The following SGCZ variants were observed in gnomAD, a reference collection of about 807,000 sequenced individuals.
SGCZ encodes the protein sarcoglycan zeta.
SGCZ carries 40 observed loss-of-function variants against 41.3 expected under a neutral mutation model. The ratio of observed to expected loss-of-function variants is 0.97; its 90% CI spans 0.75 to 1.26. The LOEUF (loss-of-function observed/expected upper bound fraction) is 1.26. Ranked by LOEUF, SGCZ falls within the 50% of genes most tolerant of loss-of-function variation. The probability of loss-of-function intolerance (pLI) is 0.00; values close to 1 mark genes in which losing one functional copy is unlikely to be tolerated. For missense variants in SGCZ, 552 were observed against 369.8 expected (o/e 1.49, Z -4.04); for synonymous variants, 206 against 137.5 (o/e 1.50, Z -3.49).
intron 2 of SGCZ, among the ~76,000 whole-genome samples, chr8:14,477,655 A>C (rs1801399099): frequency 6.6e-6 from 1 of 152,206 alleles, no homozygotes; most frequent in South Asian, 2.1e-4. Flanking sequence ...TTACCATGAA[A>C]ACGTTAGGTC....
rs775444301 is a variant in SGCZ at position 14,222,792 on chromosome 8, A to ATTTTTT, written c.424+14794_424+14799dup. Among the ~76,000 whole-genome samples, 5 of 48,896 alleles carry ATTTTTT rather than the reference A, an allele frequency of 1.0e-4. 1 individual carries two copies. Among genetic ancestry groups the ATTTTTT allele is most frequent in the Non-Finnish European group, 1.4e-4 (4 of 29,186 alleles). The allele number at this position is 48,896 out of a possible 152,430, so 32.1% of individuals were successfully genotyped here. A position where few individuals can be genotyped will look rare whatever the true frequency, so the allele number is the denominator to read the frequency against. ...ATTCCACCCTCTCTCAGTCACAGTG[A>ATTTTTT]TTTTTTTTTTTTTTTTTTTTTTTTT... On this transcript the variant is annotated intron_variant, in intron 4 of 7. Coordinates refer to ENST00000382080, the MANE Select transcript of SGCZ (RefSeq NM_139167.4).
At chr8:14,806,614 A>G (rs547480964) in intron 1 of SGCZ, among the ~76,000 whole-genome samples, 1 of 152,284 alleles carries the variant, frequency 6.6e-6, no homozygotes, top group East Asian at 1.9e-4. Context: ...AAAAGAGTCC[A>G]GGACCAGATG....
chr8:14,662,709 G>T (rs1272158127), intron 1 of SGCZ, among the ~76,000 whole-genome samples: 1 of 152,128 alleles, frequency 6.6e-6, no homozygotes, highest in Non-Finnish European at 1.5e-5. Context: ...TGAAATCATG[G>T]TTGCCAATTA....
chr8:14,096,377 A>G (rs935857142), intron 7 of SGCZ, among the ~76,000 whole-genome samples: 1 of 151,536 alleles, frequency 6.6e-6, no homozygotes, highest in East Asian at 1.9e-4. Flanking sequence ...CAATGACAAA[A>G]ACCACGGTTA....
chr8:15,080,881 C>T (rs970359361), intron 1 of SGCZ, among the ~76,000 whole-genome samples: 6 of 151,992 alleles, frequency 3.9e-5, no homozygotes, highest in Admixed American at 1.3e-4. Context: ...CATGAGCCAC[C>T]GCGCCTGGCT....
intron 4 of SGCZ, among the ~76,000 whole-genome samples, chr8:14,213,217 G>T (rs933410288): frequency 1.4e-4 from 21 of 152,080 alleles, no homozygotes; most frequent in African/African-American, 3.1e-4. Context: ...AGCTGAAAGA[G>T]AATAAACTCA....
chr8:14,173,850 CA>C (rs1804463585), intron 4 of SGCZ, among the ~76,000 whole-genome samples: 1 of 151,840 alleles, frequency 6.6e-6, no homozygotes, highest in African/African-American at 2.4e-5. Context: ...AAAATTCTTA[CA>C]AAAACAAAAA....
chr8:14,801,792 G>C (rs192822833), intron 1 of SGCZ, among the ~76,000 whole-genome samples: 14 of 152,016 alleles, frequency 9.2e-5, no homozygotes, highest in African/African-American at 3.4e-4. Context: ...TCTGAGGTAA[G>C]GAAAAAGAGC....
intron 1 of SGCZ, among the ~76,000 whole-genome samples, chr8:14,997,601 AG>A (rs1160846513): frequency 1.3e-5 from 2 of 152,224 alleles, no homozygotes; most frequent in African/African-American, 4.8e-5. Flanking sequence ...CAAGAACATT[AG>A]CTTTTCATGA....
In SGCZ at chr8:14,921,495, T is replaced by A. The variant is rs1487261184; in HGVS notation, c.39+316090A>T. Among the ~76,000 whole-genome samples the A allele has an allele frequency of 3.3e-5, 5 of 151,748 alleles. No homozygotes were observed. The South Asian group carries it at 8.3e-4, about 25-fold the overall frequency. The stretch of plus-strand genomic sequence containing the variant: ...AAATGCTTAGTTAATAAATATTCAA[T>A]AAATGTCATCTAATTTTATTATCTA... On this transcript the variant is annotated intron_variant, in intron 1 of 7. Coordinates refer to ENST00000382080, the MANE Select transcript of SGCZ (RefSeq NM_139167.4).
At chr8:14,491,997 C>T (rs531907364) in intron 2 of SGCZ, among the ~76,000 whole-genome samples, 12 of 152,124 alleles carry the variant, frequency 7.9e-5, no homozygotes, top group African/African-American at 2.7e-4. Flanking sequence ...TAGTTATGAG[C>T]GAGTATGTCT....
intron 1 of SGCZ, among the ~76,000 whole-genome samples, chr8:15,179,868 A>C (rs556834502): frequency 6.6e-6 from 1 of 152,286 alleles, no homozygotes; most frequent in South Asian, 2.1e-4. Flanking sequence ...AGTAGGAAGA[A>C]GATATAAGCT....
chr8:14,248,182 T>A (rs1475142728), intron 3 of SGCZ, among the ~76,000 whole-genome samples: 1 of 152,224 alleles, frequency 6.6e-6, no homozygotes, highest in Non-Finnish European at 1.5e-5. Context: ...CCAAGCACTG[T>A]ACAAACATTT....
intron 1 of SGCZ, among the ~76,000 whole-genome samples, chr8:15,158,275 T>C (rs1390949154): frequency 1.3e-5 from 2 of 152,140 alleles, no homozygotes; most frequent in East Asian, 3.9e-4. Flanking sequence ...CCGTTATCCA[T>C]TTTTCCCAGT....
At chr8:15,172,154 G>GGTTTTTTTTTATTTATTTATT (rs1799851769) in intron 1 of SGCZ, among the ~76,000 whole-genome samples, 1 of 71,774 alleles carries the variant, frequency 1.4e-5, no homozygotes. Context: ...TTTATACTCT[G>GGTTTTTTTTTATTTATTTATT]TTTTTTTTTT....
intron 2 of SGCZ, among the ~76,000 whole-genome samples, chr8:14,404,769 T>C (rs1160614739): frequency 2.6e-5 from 4 of 152,188 alleles, no homozygotes; most frequent in Non-Finnish European, 5.9e-5. Context: ...TTTGCTCTGC[T>C]CTTATCTCAA....
chr8:15,070,791 C>T (rs1805322697), intron 1 of SGCZ, among the ~76,000 whole-genome samples: 1 of 152,092 alleles, frequency 6.6e-6, no homozygotes, highest in African/African-American at 2.4e-5. Flanking sequence ...AGTGTATTAG[C>T]TTCTTATTAT....
At chr8:15,062,734 T>G (rs1414948351) in intron 1 of SGCZ, among the ~76,000 whole-genome samples, 1 of 152,208 alleles carries the variant, frequency 6.6e-6, no homozygotes, top group African/African-American at 2.4e-5. Flanking sequence ...CTTTGTTTTA[T>G]AAACTAGTAC....
chr8:14,803,075 T>A (rs1337824305), intron 1 of SGCZ, among the ~76,000 whole-genome samples: 2 of 152,204 alleles, frequency 1.3e-5, no homozygotes, highest in African/African-American at 4.8e-5. Flanking sequence ...TACTAAATTA[T>A]TTTACCACCC....
Sources: allele counts gnomAD v4.1 joint callset (sites outside exome capture counted in the v4.1 genomes callset), GRCh38; gene constraint gnomAD v4.1.1; transcripts MANE v1.5; gene names NCBI Gene and HGNC (gene_info 2026-07-23, HGNC 2026-07-21).